The following PCDHGA2 variants were observed in gnomAD, a reference collection of about 807,000 sequenced individuals.
PCDHGA2 encodes protocadherin gamma subfamily A, 2, also known as protocadherin gamma-A2.
In PCDHGA2, 40 loss-of-function variants were observed where a neutral mutation model predicts 59.2. The ratio of observed to expected loss-of-function variants is 0.68; its 90% CI spans 0.52 to 0.88. PCDHGA2 has a LOEUF of 0.88. Ranked by LOEUF, PCDHGA2 falls within the 40% of genes least tolerant of loss-of-function variation. The pLI is 0.00. For missense variants in PCDHGA2, 1,226 were observed against 1,204.0 expected (o/e 1.02, Z -0.27); for synonymous variants, 560 against 526.0 (o/e 1.06, Z -0.89).
Position 141,413,166 on chromosome 5 carries a change from C to T in PCDHGA2, c.2424+71771C>T, listed in dbSNP as rs758193163. ...GTGAGGACTTTGCAGAATTCTGTAA[C>T]CAGACTACAATGGCCGCTCAAAGGA... On this transcript the variant is annotated intron_variant, in intron 1 of 3. Transcript: ENST00000394576. 5 of 1,590,278 alleles carry T rather than the reference C, an allele frequency of 3.1e-6. No individual in the cohort carries two copies. The East Asian group carries it at 1.1e-4, about 36-fold the overall frequency.
At position 141,491,422 on chromosome 5, in the gene PCDHGA2, G is replaced by T. The variant is rs1413549196; in HGVS notation, c.2425-3385G>T. 1 of 1,614,112 alleles carries T rather than the reference G, an allele frequency of 6.2e-7. No homozygotes were observed. The stretch of plus-strand genomic sequence containing the variant: ...AAACGCAGACGGGGACGGGGGTGGA[G>T]GGCAGTGCTGCAGGCGCCAGGACTC... On this transcript the variant is annotated intron_variant, in intron 1 of 3. Coordinates refer to ENST00000394576, the MANE Select transcript of PCDHGA2 (RefSeq NM_018915.4). The surrounding 1 kb of genome is among the most constrained non-coding windows in gnomAD (Gnocchi z 6.9).
At position 141,476,090 on chromosome 5, in the gene PCDHGA2, C is replaced by T; in HGVS notation, c.2425-18717C>T. On this transcript the variant is annotated intron_variant, in intron 1 of 3. Coordinates refer to ENST00000394576, the MANE Select transcript of PCDHGA2 (RefSeq NM_018915.4). The surrounding 1 kb of genome is among the most constrained non-coding windows in gnomAD (Gnocchi z 7.6). ...GAAATCTCAGGGACGATCTGGACCC[C>T]GCTGAGAGGAACTGCTTTTGAGTGA... 3 of 1,562,222 alleles carry T rather than the reference C, an allele frequency of 1.9e-6. No individual in the cohort carries two copies. Among genetic ancestry groups the T allele is most frequent in the African/African-American group, 1.4e-5 (1 of 73,764 alleles).
chr5:141,415,499 C>G (rs2095876120), intron 1 of PCDHGA2: 1 of 1,614,098 alleles, frequency 6.2e-7, no homozygotes, highest in Non-Finnish European at 8.5e-7. Context: ...CTGATCTTCC[C>G]CCAGCCCAAT....
At chr5:141,510,653 T>G (rs1388568365) in intron 3 of PCDHGA2, among the ~76,000 whole-genome samples, 1 of 152,184 alleles carries the variant, frequency 6.6e-6, no homozygotes, top group Non-Finnish European at 1.5e-5. Context: ...ATCCCCATTT[T>G]GCAGATGAGA....
In PCDHGA2 at chr5:141,383,687, C is replaced by T; in HGVS notation, c.2424+42292C>T. 1.2e-6 allele frequency: 2 copies of T among 1,613,968 alleles called. No homozygotes were observed. Among genetic ancestry groups the T allele is most frequent in the Middle Eastern group, 1.6e-4 (1 of 6,062 alleles). Reference sequence around the variant, plus strand: ...GTGCCAGTGGGTACAAGACTGCTCACGGTACATGCTATCGACCTGGACGAG... The same window carrying T: ...GTGCCAGTGGGTACAAGACTGCTCATGGTACATGCTATCGACCTGGACGAG... On this transcript the variant is annotated intron_variant, in intron 1 of 3. Coordinates refer to ENST00000394576, the MANE Select transcript of PCDHGA2 (RefSeq NM_018915.4).
intron 1 of PCDHGA2, chr5:141,384,126 C>G: frequency 1.2e-6 from 2 of 1,610,938 alleles, no homozygotes; most frequent in Non-Finnish European, 1.7e-6. Context: ...CAACCAAAAA[C>G]TTGGACCGGG....
Position 141,450,758 on chromosome 5 carries a change from A to C in PCDHGA2, c.2425-44049A>C, listed in dbSNP as rs1007910264. On this transcript the variant is annotated intron_variant, in intron 1 of 3. Transcript: ENST00000394576. ...CGCCTTGGCCTCCCAAAGTGCCGGGATTACAGGCATGAGCCACCGTGCCCG... is the reference window on the plus strand; with the variant it reads ...CGCCTTGGCCTCCCAAAGTGCCGGGCTTACAGGCATGAGCCACCGTGCCCG... Among the ~76,000 whole-genome samples the C allele has an allele frequency of 5.3e-5, 8 of 151,784 alleles. No individual in the cohort carries two copies. In the East Asian group the frequency reaches 1.4e-3, roughly 26 times the overall value.
chr5:141,399,056 A>G (rs945298198), intron 1 of PCDHGA2: 24 of 1,613,834 alleles, frequency 1.5e-5, no homozygotes, highest in African/African-American at 1.2e-4. Flanking sequence ...GAGACCAAGG[A>G]ATATTCAATG....
chr5:141,385,615 T>C, intron 1 of PCDHGA2: 2 of 1,097,512 alleles, frequency 1.8e-6, no homozygotes, highest in East Asian at 4.2e-5. Flanking sequence ...ATATATTTTA[T>C]ACATTGGAAT....
At position 141,473,164 on chromosome 5, in the gene PCDHGA2, G is replaced by A. The variant is rs190029663; in HGVS notation, c.2425-21643G>A. Among the ~76,000 whole-genome samples the A allele has an allele frequency of 1.6e-3, 241 of 152,250 alleles. 5 individuals carry two copies. The highest frequency in any genetic ancestry group is 2.1e-4 in the Non-Finnish European group (14 of 68,014). ...TCTTCAGATCACTAGGGCTAGGAAG[G>A]CCCACTGGTAACTTGAAGGAGTAAA... On this transcript the variant is annotated intron_variant, in intron 1 of 3. Transcript: ENST00000394576.
intron 1 of PCDHGA2, among the ~76,000 whole-genome samples, chr5:141,448,768 G>A (rs544426582): frequency 1.3e-5 from 2 of 151,632 alleles, no homozygotes; most frequent in Non-Finnish European, 2.9e-5. Flanking sequence ...GTGAAACCCC[G>A]TCTGTACTAA....
At chr5:141,358,540 G>T (rs191289773) in intron 1 of PCDHGA2, among the ~76,000 whole-genome samples, 576 of 152,270 alleles carry the variant, frequency 3.8e-3, no homozygotes, top group Non-Finnish European at 5.7e-3. Flanking sequence ...ATATTTTCTT[G>T]TTGCTGTTCT....
intron 1 of PCDHGA2, chr5:141,405,414 T>C (rs758249146): frequency 1.1e-4 from 169 of 1,562,196 alleles, no homozygotes; most frequent in Non-Finnish European, 1.5e-4. Context: ...TTTCTTTTTT[T>C]GTTTTTTGTT....
chr5:141,503,045 G>A (rs543484478), intron 2 of PCDHGA2, among the ~76,000 whole-genome samples: 1 of 151,702 alleles, frequency 6.6e-6, no homozygotes, highest in South Asian at 2.1e-4. Context: ...AGTTGAGACA[G>A]GGTTTCACCA....
chr5:141,463,438 CTTTTTTT>C (rs71576115), intron 1 of PCDHGA2, among the ~76,000 whole-genome samples: 1 of 103,252 alleles, frequency 9.7e-6, no homozygotes, highest in Non-Finnish European at 1.9e-5. Flanking sequence ...TTTCCTTCTC[CTTTTTTT>C]TTTTTTTTTT....
intron 1 of PCDHGA2, chr5:141,415,740 GTTTTTT>G (rs57426385): frequency 0.053 from 32,266 of 613,620 alleles, 66 homozygotes; most frequent in South Asian, 0.061. Flanking sequence ...GTTTATTAAG[GTTTTTT>G]TTTTTTTTTT....
chr5:141,432,435 C>T lies in PCDHGA2; in HGVS notation c.2425-62372C>T. 1 of 1,614,212 alleles carries T rather than the reference C, an allele frequency of 6.2e-7. No homozygotes were observed. Among genetic ancestry groups the T allele is most frequent in the Non-Finnish European group, 8.5e-7 (1 of 1,180,038 alleles). The stretch of plus-strand genomic sequence containing the variant: ...TTCGTGCTGGACCAGAACGACAATG[C>T]GCCCGAGATCCTGTACCCCGCCCTC... On this transcript the variant is annotated intron_variant, in intron 1 of 3. Transcript: ENST00000394576. This position sits in a 1 kb window ranked among gnomAD's most constrained non-coding sequence, Gnocchi z 6.0.
Position 141,361,102 on chromosome 5 carries a change from G to C in PCDHGA2, c.2424+19707G>C, listed in dbSNP as rs1025745459. The C allele has an allele frequency of 2.5e-6, 4 of 1,613,888 alleles. No homozygotes were observed. The African/African-American group carries it at 5.3e-5, about 22-fold the overall frequency. On this transcript the variant is annotated intron_variant, in intron 1 of 3. Transcript: ENST00000394576. ...TTACACTCTGAGTATCGAAGCAAAA[G>C]ATCCTGGAGATCTAGCAGCCCACTG...
intron 1 of PCDHGA2, among the ~76,000 whole-genome samples, chr5:141,357,914 G>A (rs1588531093): frequency 6.6e-6 from 1 of 152,274 alleles, no homozygotes; most frequent in East Asian, 1.9e-4. Flanking sequence ...TCTGTGCTGG[G>A]TGTGGTGGCT....
Sources: allele counts gnomAD v4.1 joint callset (sites outside exome capture counted in the v4.1 genomes callset), GRCh38; gene constraint gnomAD v4.1.1; non-coding constraint Gnocchi (gnomAD v3.1); transcripts MANE v1.5; gene names NCBI Gene and HGNC (gene_info 2026-07-23, HGNC 2026-07-21).